The following RBFOX1 variants were observed in gnomAD, a reference collection of about 807,000 sequenced individuals.
The protein encoded by RBFOX1 is RNA binding protein fox-1 homolog 1.
In RBFOX1, 8 loss-of-function variants were observed where a neutral mutation model predicts 57.7. That is an observed-to-expected ratio of 0.14 (90% CI 0.08 to 0.25). RBFOX1 has a LOEUF of 0.25. RBFOX1 is among the 10% of genes least tolerant of loss of function. The pLI is 1.00. For missense variants in RBFOX1, 611 were observed against 548.5 expected (o/e 1.11, Z -1.14); for synonymous variants, 326 against 222.4 (o/e 1.47, Z -4.15).
chr16:7,345,048 A>G lies in RBFOX1; in HGVS notation c.28-173099A>G, dbSNP rs1368625221. On this transcript the variant is annotated intron_variant, in intron 4 of 15. Transcript: ENST00000550418. ...GTTGTGTGGTGACAAAGGCTGAGGA[A>G]GGGCACTGCTGGGACTGGGTCTTGT... Among the ~76,000 whole-genome samples the G allele has an allele frequency of 2.0e-5, 3 of 151,762 alleles. No individual in the cohort carries two copies. In the East Asian group the frequency reaches 5.8e-4, roughly 29 times the overall value.
chr16:6,162,426 A>AT (rs1383090538), intron 1 of RBFOX1, among the ~76,000 whole-genome samples: 5 of 152,042 alleles, frequency 3.3e-5, no homozygotes, highest in Non-Finnish European at 5.9e-5. Flanking sequence ...AGATTTCTGT[A>AT]TTTTAACAGG....
intron 1 of RBFOX1, among the ~76,000 whole-genome samples, chr16:6,051,647 T>A (rs2095552981): frequency 6.6e-6 from 1 of 152,192 alleles, no homozygotes; most frequent in African/African-American, 2.4e-5. Context: ...CATGGCAACC[T>A]CTGCCTCTCA....
intron 2 of RBFOX1, among the ~76,000 whole-genome samples, chr16:5,546,915 A>G (rs933864617): frequency 6.6e-6 from 1 of 152,208 alleles, no homozygotes; most frequent in South Asian, 2.1e-4. Context: ...CGATAATAAG[A>G]CAATACCCAA....
At chr16:7,708,269 A>G (rs984104063) in intron 14 of RBFOX1, among the ~76,000 whole-genome samples, 2 of 152,116 alleles carry the variant, frequency 1.3e-5, no homozygotes, top group African/African-American at 4.8e-5. Flanking sequence ...TAACTTCCAG[A>G]TATTTAGTAG....
intron 2 of RBFOX1, among the ~76,000 whole-genome samples, chr16:6,525,281 A>G (rs1024636819): frequency 6.6e-6 from 1 of 152,202 alleles, no homozygotes; most frequent in Non-Finnish European, 1.5e-5. Flanking sequence ...AGAATTATCA[A>G]ATCCTAAACT....
chr16:6,563,273 G>A (rs550562459), intron 2 of RBFOX1, among the ~76,000 whole-genome samples: 5 of 152,164 alleles, frequency 3.3e-5, no homozygotes, highest in Admixed American at 3.3e-4. Flanking sequence ...AGCATTGTCT[G>A]TTGACATTAT....
chr16:7,117,423 G>A (rs1002163058), intron 4 of RBFOX1, among the ~76,000 whole-genome samples: 2 of 152,182 alleles, frequency 1.3e-5, no homozygotes, highest in Non-Finnish European at 2.9e-5. Flanking sequence ...TAAGAGTACA[G>A]CTTCTGGAAT....
chr16:7,319,932 A>G (rs1256981695), intron 4 of RBFOX1, among the ~76,000 whole-genome samples: 1 of 152,192 alleles, frequency 6.6e-6, no homozygotes, highest in Non-Finnish European at 1.5e-5. Context: ...AGTGCTTAGA[A>G]TTGTGTTTGG....
intron 2 of RBFOX1, among the ~76,000 whole-genome samples, chr16:6,354,402 G>C (rs375670310): frequency 1.3e-5 from 2 of 152,028 alleles, no homozygotes; most frequent in Non-Finnish European, 2.9e-5. Context: ...TCACCTCTCC[G>C]CTTCCACTCT....
At chr16:7,161,551 C>A (rs1567517612) in intron 4 of RBFOX1, among the ~76,000 whole-genome samples, 1 of 152,124 alleles carries the variant, frequency 6.6e-6, no homozygotes, top group Non-Finnish European at 1.5e-5. Flanking sequence ...AGGTACATGT[C>A]AGTGAAGTCC....
chr16:6,189,990 T>C (rs1003241802), intron 1 of RBFOX1, among the ~76,000 whole-genome samples: 1 of 152,184 alleles, frequency 6.6e-6, no homozygotes, highest in Non-Finnish European at 1.5e-5. Flanking sequence ...GTTTCATAGT[T>C]TGAGGTCTTA....
At chr16:5,719,101 A>G (rs747836814) in intron 3 of RBFOX1, among the ~76,000 whole-genome samples, 14 of 152,210 alleles carry the variant, frequency 9.2e-5, no homozygotes, top group Non-Finnish European at 1.8e-4. Flanking sequence ...GACCTCAAGT[A>G]ATATTTGTTG....
At chr16:7,031,463 G>A (rs758791044) in intron 3 of RBFOX1, among the ~76,000 whole-genome samples, 4 of 152,112 alleles carry the variant, frequency 2.6e-5, no homozygotes, top group Middle Eastern at 3.4e-3. Context: ...AGGCATGGTG[G>A]CACATGCCTG....
chr16:5,723,529 A>C (rs113920622), intron 3 of RBFOX1, among the ~76,000 whole-genome samples: 1 of 93,656 alleles, frequency 1.1e-5, no homozygotes, highest in African/African-American at 5.7e-5. Context: ...GGTGTCTGAG[A>C]TCTGATTTTG....
intron 5 of RBFOX1, among the ~76,000 whole-genome samples, chr16:7,521,812 G>A (rs971235982): frequency 1.3e-5 from 2 of 152,270 alleles, no homozygotes; most frequent in East Asian, 3.9e-4. Context: ...AAGCATGTTG[G>A]CCCATACAAT....
intron 1 of RBFOX1, among the ~76,000 whole-genome samples, chr16:6,205,158 T>C (rs1484973155): frequency 1.3e-5 from 2 of 152,188 alleles, no homozygotes; most frequent in Non-Finnish European, 2.9e-5. Context: ...GTGCTAGCAA[T>C]TTGTCTACCA....
At chr16:7,661,672 G>A (rs761563273) in intron 12 of RBFOX1, among the ~76,000 whole-genome samples, 1 of 152,206 alleles carries the variant, frequency 6.6e-6, no homozygotes, top group Non-Finnish European at 1.5e-5. Flanking sequence ...CAGGGTTACT[G>A]AGGGGGCTTT....
chr16:6,641,542 C>G (rs1386250225), intron 2 of RBFOX1, among the ~76,000 whole-genome samples: 2 of 151,856 alleles, frequency 1.3e-5, no homozygotes, highest in Non-Finnish European at 2.9e-5. Context: ...TAAGACAAGA[C>G]CAGGCAACAA....
At chr16:6,020,570 G>A (rs1436635042) in intron 1 of RBFOX1, among the ~76,000 whole-genome samples, 1 of 152,154 alleles carries the variant, frequency 6.6e-6, no homozygotes, top group Non-Finnish European at 1.5e-5. Flanking sequence ...AGGGGAGGGG[G>A]CCAGCCGGGA....
Sources: gnomAD v4.1 joint callset for allele counts (sites outside exome capture counted in the v4.1 genomes callset) on GRCh38, gnomAD v4.1.1 for gene constraint, MANE v1.5 for transcripts, NCBI Gene and HGNC (gene_info 2026-07-23, HGNC 2026-07-21) for gene names.